The following ASXL2 variants were observed in gnomAD, a reference collection of about 807,000 sequenced individuals.
The protein encoded by ASXL2 is putative Polycomb group protein ASXL2.
A neutral mutation model predicts 122.0 loss-of-function variants in ASXL2; 23 were observed. The ratio of observed to expected loss-of-function variants is 0.19; its 90% confidence interval spans 0.14 to 0.27. ASXL2 has a LOEUF of 0.27. ASXL2 is among the 10% of genes least tolerant of loss of function. The pLI, the probability that ASXL2 is intolerant of heterozygous loss-of-function variation, is 1.00. For synonymous variants in ASXL2, 650 were observed against 637.0 expected (o/e 1.02, Z -0.31); for missense variants, 1,518 against 1,713.8 (o/e 0.89, Z 2.02).
chr2:25,871,633 C>T (rs1023835752), intron 1 of ASXL2, among the ~76,000 whole-genome samples: 1 of 152,114 alleles, frequency 6.6e-6, no homozygotes, highest in African/African-American at 2.4e-5. Context: ...CTCTTGTTGC[C>T]CAGGCTGGAG....
At chr2:25,752,288 A>G (rs1388391799) in intron 11 of ASXL2, among the ~76,000 whole-genome samples, 1 of 152,180 alleles carries the variant, frequency 6.6e-6, no homozygotes, top group Non-Finnish European at 1.5e-5. Context: ...GAACATCTCC[A>G]TTACCATCTA....
intron 4 of ASXL2, among the ~76,000 whole-genome samples, chr2:25,803,220 C>T (rs1233265815): frequency 6.6e-6 from 1 of 152,206 alleles, no homozygotes; most frequent in Non-Finnish European, 1.5e-5. Flanking sequence ...CTGGAGAGGG[C>T]ACACAAGCTC....
intron 1 of ASXL2, among the ~76,000 whole-genome samples, chr2:25,851,787 A>G (rs1239955394): frequency 6.6e-6 from 1 of 152,142 alleles, no homozygotes; most frequent in East Asian, 1.9e-4. Context: ...GCTACTCGGG[A>G]GGCTGAGGCA....
intron 3 of ASXL2, among the ~76,000 whole-genome samples, chr2:25,812,766 C>T (rs2089187553): frequency 6.6e-6 from 1 of 152,128 alleles, no homozygotes; most frequent in African/African-American, 2.4e-5. Flanking sequence ...TGACCTCAAA[C>T]TCCATTAAGA....
At chr2:25,760,933 G>A (rs2088231801) in intron 8 of ASXL2, among the ~76,000 whole-genome samples, 1 of 152,140 alleles carries the variant, frequency 6.6e-6, no homozygotes, top group Non-Finnish European at 1.5e-5. Context: ...ATAGACTTAA[G>A]AAAATGGGAC....
chr2:25,766,949 C>T (rs973005788), intron 8 of ASXL2, among the ~76,000 whole-genome samples: 7 of 152,288 alleles, frequency 4.6e-5, no homozygotes, highest in Middle Eastern at 3.4e-3. Flanking sequence ...TGAGCCTTCC[C>T]GGTGTTCTGC....
chr2:25,788,491 C>T (rs1301791962), intron 5 of ASXL2, among the ~76,000 whole-genome samples: 1 of 152,086 alleles, frequency 6.6e-6, no homozygotes, highest in Non-Finnish European at 1.5e-5. Context: ...GTAGAATTAG[C>T]TATACTATGG....
chr2:25,753,622 T>A lies in ASXL2; in HGVS notation c.1054A>T (p.Met352Leu), dbSNP rs1269939573. 1 of 1,613,102 alleles carries A rather than the reference T, an allele frequency of 6.2e-7. No homozygotes were observed. The highest frequency in any genetic ancestry group is 1.1e-5 in the South Asian group (1 of 91,034). Residue 352 changes from methionine to leucine, a missense_variant, in exon 11 of 13, where the codon ATG becomes TTG. Physicochemically the swap from Met to Leu is conservative, Grantham distance 15. This residue lies in a region of ASXL2 where 92 missense variants were observed against 156.6 expected (regional missense o/e 0.59). Transcript: ENST00000435504. The part of the protein sequence containing the change: ...RLSEGEFTPE[M>L]QVRIRQEIEK... ...ATCTCTTGTCGAATTCTCACCTGCA[T>A]CTCAGGTGTAAACTCACCTGCAATG...
intron 12 of ASXL2, among the ~76,000 whole-genome samples, chr2:25,748,375 G>T (rs2087977444): frequency 1.3e-5 from 2 of 150,610 alleles, no homozygotes; most frequent in African/African-American, 4.9e-5. Flanking sequence ...GTATGGTGGT[G>T]CATGCCTGTA....
At chr2:25,749,633 G>C in intron 12 of ASXL2, 63 bp downstream of exon 12, 3 of 1,330,938 alleles carry the variant, frequency 2.3e-6, no homozygotes, top group South Asian at 3.6e-5. Context: ...AAATTTAGTA[G>C]GTATGACCAA....
chr2:25,777,032 T>C (rs1241422540), intron 5 of ASXL2, among the ~76,000 whole-genome samples: 7 of 152,264 alleles, frequency 4.6e-5, no homozygotes, highest in Admixed American at 1.3e-4. Context: ...TTTCCCAGAG[T>C]TGACTTAATG....
At chr2:25,822,014 T>G (rs2089317925) in intron 3 of ASXL2, among the ~76,000 whole-genome samples, 1 of 152,194 alleles carries the variant, frequency 6.6e-6, no homozygotes. Context: ...TCTGGCGAAC[T>G]AAAGATTTAA....
chr2:25,734,110 T>C lies in ASXL2; in HGVS notation c.*7919A>G, dbSNP rs1031936030. ...GCACTTACAGCTAAGTGTTTTTTTT[T>C]CTTTCAAATTTCTAGAGTTTCATTT... On this transcript the variant is annotated 3_prime_UTR_variant, in exon 13 of 13. Coordinates refer to ENST00000435504, the MANE Select transcript of ASXL2 (RefSeq NM_018263.6). 8 of 152,272 alleles carry C rather than the reference T, an allele frequency of 5.3e-5. No individual in the cohort carries two copies. The South Asian group carries it at 1.7e-3, about 32-fold the overall frequency. 9.4% of individuals were successfully genotyped at this position (152,272 alleles called of 1,614,324 possible). A position where few individuals can be genotyped will look rare whatever the true frequency, so the allele number is the denominator to read the frequency against.
intron 8 of ASXL2, among the ~76,000 whole-genome samples, chr2:25,764,594 C>T (rs2088311521): frequency 6.6e-6 from 1 of 152,234 alleles, no homozygotes; most frequent in South Asian, 2.1e-4. Context: ...TGGAATACCA[C>T]TGATGATAAA....
At chr2:25,764,780 T>G (rs187121203) in intron 8 of ASXL2, among the ~76,000 whole-genome samples, 13 of 152,322 alleles carry the variant, frequency 8.5e-5, no homozygotes, top group African/African-American at 3.1e-4. Flanking sequence ...CTTGAAAAAT[T>G]TTTACTATTT....
intron 5 of ASXL2, among the ~76,000 whole-genome samples, chr2:25,797,482 A>G (rs1384281944): frequency 6.6e-6 from 1 of 152,148 alleles, no homozygotes; most frequent in Non-Finnish European, 1.5e-5. Flanking sequence ...ATATTTGCAA[A>G]AGACATATGA....
At chr2:25,748,755 G>A (rs941204125) in intron 12 of ASXL2, among the ~76,000 whole-genome samples, 1 of 152,150 alleles carries the variant, frequency 6.6e-6, no homozygotes, top group East Asian at 1.9e-4. Context: ...TTAAGCACAA[G>A]CCCAAGTATT....
At chr2:25,780,145 C>T (rs2088609597) in intron 5 of ASXL2, 1 of 152,302 alleles carries the variant, frequency 6.6e-6, no homozygotes, top group East Asian at 1.9e-4. Context: ...GCCAACATGC[C>T]TGGCCCATTT....
intron 9 of ASXL2, 129 bp downstream of exon 9, chr2:25,759,345 TCCTAAGCC>T: frequency 5.8e-6 from 5 of 863,662 alleles, no homozygotes; most frequent in Middle Eastern, 3.6e-4. Flanking sequence ...AATTTTTTTT[TCCTAAGCC>T]TTAAAAAAAC....
Sources: allele counts gnomAD v4.1 joint callset (sites outside exome capture counted in the v4.1 genomes callset), GRCh38; gene constraint gnomAD v4.1.1; regional missense constraint gnomAD v4.1.1; transcripts MANE v1.5; gene names NCBI Gene and HGNC (gene_info 2026-07-23, HGNC 2026-07-21).